Variants in SLC24A2 observed in about 807,000 individuals in gnomAD.
The protein encoded by SLC24A2 is solute carrier family 24 member 2.
Under a neutral mutation model 62.0 loss-of-function variants are expected in SLC24A2, and 36 were observed. The observed-to-expected ratio is 0.58, with a 90% CI of 0.44 to 0.77. SLC24A2 has a LOEUF of 0.77. Among genes scored for constraint, SLC24A2 ranks in the 30% least tolerant of loss-of-function variants. SLC24A2 has a pLI of 0.00. For missense variants in SLC24A2, 846 were observed against 817.9 expected, an observed-to-expected ratio of 1.03 and a Z score of -0.42; for synonymous variants, 358 against 294.0, an observed-to-expected ratio of 1.22 and a Z score of -2.23.
the SLC24A2 span, among the ~76,000 whole-genome samples, chr9:20,185,053 C>G: frequency 1.3e-5 from 2 of 152,090 alleles, no homozygotes; most frequent in South Asian, 2.1e-4. Flanking sequence ...GCTGAACTTA[C>G]GCAAGCAGAG....
the SLC24A2 span, among the ~76,000 whole-genome samples, chr9:20,283,249 C>T: frequency 3.3e-5 from 5 of 152,124 alleles, no homozygotes; most frequent in African/African-American, 4.8e-5. Context: ...TGGATGTTGC[C>T]GTTTCTCAAC....
At chr9:20,095,729 T>C in the SLC24A2 span, among the ~76,000 whole-genome samples, 1 of 152,010 alleles carries the variant, frequency 6.6e-6, no homozygotes. Flanking sequence ...TTCATGCTGT[T>C]AATAAAGATA....
At chr9:19,772,573 C>G (rs1822721863) in intron 2 of SLC24A2, among the ~76,000 whole-genome samples, 1 of 152,156 alleles carries the variant, frequency 6.6e-6, no homozygotes, top group Non-Finnish European at 1.5e-5. Context: ...TGAGTAGACA[C>G]TTCTCCAAAG....
the SLC24A2 span, among the ~76,000 whole-genome samples, chr9:20,248,535 C>T: frequency 2.4e-4 from 36 of 152,082 alleles, 1 homozygote; most frequent in Non-Finnish European, 7.4e-5. Flanking sequence ...TAAAAAGGGG[C>T]AGGCTCTCTT....
At chr9:19,569,762 C>A (rs1442628223) in intron 7 of SLC24A2, among the ~76,000 whole-genome samples, 1 of 152,194 alleles carries the variant, frequency 6.6e-6, no homozygotes, top group Non-Finnish European at 1.5e-5. Flanking sequence ...CCTACCAGCT[C>A]TGCTTGGCCC....
intron 7 of SLC24A2, among the ~76,000 whole-genome samples, chr9:19,553,121 C>A (rs1329063693): frequency 6.6e-6 from 1 of 152,146 alleles, no homozygotes; most frequent in Non-Finnish European, 1.5e-5. Context: ...AGGCTGTTGG[C>A]ATACATTAGG....
the SLC24A2 span, chr9:19,930,064 G>A: frequency 2.6e-5 from 4 of 152,150 alleles, no homozygotes; most frequent in Non-Finnish European, 4.4e-5. Flanking sequence ...AAACTTTATA[G>A]TAACAAAGGT....
chr9:19,679,429 ATGATGGTTAAGTTTCTGTGTCAACT>A (rs1198810975), intron 2 of SLC24A2, among the ~76,000 whole-genome samples: 2 of 152,272 alleles, frequency 1.3e-5, no homozygotes, highest in East Asian at 1.9e-4. Context: ...ATAATAAATC[ATGATGGTTAAGTTTCTGTGTCAACT>A]TGATTGGGCT....
chr9:20,076,277 T>TA, the SLC24A2 span, among the ~76,000 whole-genome samples: 8 of 152,132 alleles, frequency 5.3e-5, no homozygotes, highest in Admixed American at 4.6e-4. Context: ...TCCTAGATGA[T>TA]AAAAAACTAG....
At chr9:19,905,816 A>C in the SLC24A2 span, among the ~76,000 whole-genome samples, 1 of 152,346 alleles carries the variant, frequency 6.6e-6, no homozygotes, top group Admixed American at 6.5e-5. Context: ...AACAGGAGGA[A>C]AGAACATAAT....
At chr9:20,296,894 G>A in the SLC24A2 span, among the ~76,000 whole-genome samples, 8 of 152,078 alleles carry the variant, frequency 5.3e-5, no homozygotes, top group Admixed American at 6.6e-5. Flanking sequence ...AAATATGCAC[G>A]TTATTATTAA....
the SLC24A2 span, among the ~76,000 whole-genome samples, chr9:20,217,865 T>G: frequency 6.6e-6 from 1 of 152,242 alleles, no homozygotes; most frequent in African/African-American, 2.4e-5. Context: ...ATTGCTTTTC[T>G]ATCTTCACTG....
chr9:20,270,413 T>A, the SLC24A2 span, among the ~76,000 whole-genome samples: 1 of 152,150 alleles, frequency 6.6e-6, no homozygotes, highest in Admixed American at 6.5e-5. Context: ...AGAGAATTAG[T>A]CATAACTATT....
the SLC24A2 span, among the ~76,000 whole-genome samples, chr9:20,175,906 T>G: frequency 6.6e-6 from 1 of 151,958 alleles, no homozygotes; most frequent in Non-Finnish European, 1.5e-5. Flanking sequence ...TAAGAAGCTT[T>G]GTGGGTTAGA....
chr9:20,227,673 G>A, the SLC24A2 span, among the ~76,000 whole-genome samples: 1 of 151,990 alleles, frequency 6.6e-6, no homozygotes, highest in Non-Finnish European at 1.5e-5. Context: ...GCGTGGCCTT[G>A]GGGTATTTCA....
At chr9:19,833,663 A>T in the SLC24A2 span, among the ~76,000 whole-genome samples, 1 of 152,240 alleles carries the variant, frequency 6.6e-6, no homozygotes, top group Non-Finnish European at 1.5e-5. Context: ...CAGCACAGAC[A>T]AACAAAAGAC....
chr9:19,902,170 G>C, the SLC24A2 span, among the ~76,000 whole-genome samples: 3 of 152,138 alleles, frequency 2.0e-5, no homozygotes, highest in African/African-American at 2.4e-5. Flanking sequence ...ACTGCAAAAA[G>C]GGAAGGGGTA....
the SLC24A2 span, among the ~76,000 whole-genome samples, chr9:20,282,521 A>C: frequency 0.22 from 33,889 of 152,104 alleles, 3,785 homozygotes; most frequent in Middle Eastern, 0.32. Context: ...TAATGCCCCA[A>C]ATCATACTCT....
chr9:19,555,901 T>C (rs1835065599), intron 7 of SLC24A2, among the ~76,000 whole-genome samples: 1 of 152,098 alleles, frequency 6.6e-6, no homozygotes, highest in Non-Finnish European at 1.5e-5. Context: ...ACTGAGATCT[T>C]GCCACTGCAC....
Sources: gnomAD v4.1 joint callset for allele counts (sites outside exome capture counted in the v4.1 genomes callset) on GRCh38, gnomAD v4.1.1 for gene constraint, MANE v1.5 for transcripts, NCBI Gene and HGNC (gene_info 2026-07-23, HGNC 2026-07-21) for gene names.